The following TMTC2 variants were observed in gnomAD, a reference collection of about 807,000 sequenced individuals.
TMTC2 encodes transmembrane O-mannosyltransferase targeting cadherins 2.
A neutral mutation model predicts 82.4 loss-of-function variants in TMTC2; 43 were observed. The observed-to-expected ratio is 0.52, with a 90% CI of 0.41 to 0.67. The LOEUF (loss-of-function observed/expected upper bound fraction) is 0.67, where lower values mean the gene tolerates loss of function less well. TMTC2 is among the 30% of genes least tolerant of loss of function. The pLI is 0.00. For missense variants in TMTC2, 919 were observed against 1,012.4 expected (o/e 0.91, Z 1.25); for synonymous variants, 408 against 381.9 (o/e 1.07, Z -0.80).
At chr12:83,124,543 G>A (rs1269665156) in intron 11 of TMTC2, among the ~76,000 whole-genome samples, 5 of 149,308 alleles carry the variant, frequency 3.3e-5, no homozygotes, top group African/African-American at 1.2e-4. Context: ...AGTAAGCTAT[G>A]AATAAGAAAT....
At chr12:82,871,152 G>A (rs528442151) in intron 2 of TMTC2, among the ~76,000 whole-genome samples, 1 of 152,254 alleles carries the variant, frequency 6.6e-6, no homozygotes, top group East Asian at 1.9e-4. Context: ...TTCTATGAAA[G>A]CATTAACCTC....
chr12:82,898,270 T>A (rs1873782498), intron 3 of TMTC2, among the ~76,000 whole-genome samples: 1 of 152,196 alleles, frequency 6.6e-6, no homozygotes, highest in Non-Finnish European at 1.5e-5. Context: ...TAAAAATCAT[T>A]ACAATTAGTT....
intron 1 of TMTC2, among the ~76,000 whole-genome samples, chr12:82,710,292 C>T (rs919200092): frequency 1.3e-5 from 2 of 152,190 alleles, no homozygotes; most frequent in African/African-American, 4.8e-5. Context: ...GTGCTCTAAT[C>T]ACAGTGATCA....
intron 1 of TMTC2, among the ~76,000 whole-genome samples, chr12:82,730,317 G>C (rs796811484): frequency 2.6e-5 from 1 of 38,200 alleles, no homozygotes; most frequent in East Asian, 9.9e-4. Flanking sequence ...AAAAAAAAAA[G>C]CAGACCCTAC....
At chr12:82,831,921 T>C (rs145214438) in intron 1 of TMTC2, among the ~76,000 whole-genome samples, 1 of 152,118 alleles carries the variant, frequency 6.6e-6, no homozygotes, top group Non-Finnish European at 1.5e-5. Flanking sequence ...GGCCGAAAAA[T>C]GTGCTAAGAA....
chr12:82,777,147 T>G (rs1877640938), intron 1 of TMTC2, among the ~76,000 whole-genome samples: 1 of 152,104 alleles, frequency 6.6e-6, no homozygotes, highest in East Asian at 1.9e-4. Flanking sequence ...TTTGCTATGT[T>G]AGTTGTAGTA....
At chr12:82,738,758 A>G (rs776313660) in intron 1 of TMTC2, among the ~76,000 whole-genome samples, 5 of 152,336 alleles carry the variant, frequency 3.3e-5, no homozygotes, top group East Asian at 1.9e-4. Context: ...ACCAAGTATA[A>G]TTATTAGTTA....
intron 4 of TMTC2, among the ~76,000 whole-genome samples, chr12:82,940,607 G>C (rs1025332675): frequency 6.7e-6 from 1 of 149,018 alleles, no homozygotes; most frequent in Non-Finnish European, 1.5e-5. Flanking sequence ...AATATGTTTT[G>C]CTTTTTTTTT....
chr12:82,799,903 C>T (rs777387238), intron 1 of TMTC2, among the ~76,000 whole-genome samples: 7 of 152,088 alleles, frequency 4.6e-5, no homozygotes, highest in African/African-American at 7.2e-5. Context: ...CATGTGCCAG[C>T]AGGTGTTGTT....
At chr12:82,768,929 A>T (rs1016692689) in intron 1 of TMTC2, among the ~76,000 whole-genome samples, 1 of 151,990 alleles carries the variant, frequency 6.6e-6, no homozygotes, top group Non-Finnish European at 1.5e-5. Flanking sequence ...AGGCTTCCAC[A>T]CCCAGTCATA....
intron 3 of TMTC2, among the ~76,000 whole-genome samples, chr12:82,914,885 G>T (rs1321416941): frequency 3.6e-5 from 5 of 140,242 alleles, no homozygotes; most frequent in Non-Finnish European, 6.0e-5. Flanking sequence ...GAGTGCAATA[G>T]TGCGATCTTG....
At position 82,834,832 on chromosome 12, in the gene TMTC2, A is replaced by G. The variant is rs137868294; in HGVS notation, c.84-22178A>G. Among the ~76,000 whole-genome samples, 288 of 152,278 alleles carry G rather than the reference A, an allele frequency of 1.9e-3. 4 individuals are homozygous for G. The highest frequency in any genetic ancestry group is 6.4e-3 in the African/African-American group (267 of 41,556). ...GATGGTGAACTTGAGTTCTTCTGTT[A>G]TAAATTATGTCACATAAGCTGTAAT... On this transcript the variant is annotated intron_variant, in intron 1 of 11. Coordinates refer to ENST00000321196, the MANE Select transcript of TMTC2 (RefSeq NM_152588.3).
intron 11 of TMTC2, among the ~76,000 whole-genome samples, chr12:83,066,435 T>C (rs1178397135): frequency 6.6e-6 from 1 of 151,904 alleles, no homozygotes; most frequent in Non-Finnish European, 1.5e-5. Context: ...GAAACTAGCA[T>C]AAAACTACAT....
intron 9 of TMTC2, among the ~76,000 whole-genome samples, chr12:83,039,057 G>A (rs999086831): frequency 6.7e-6 from 1 of 150,358 alleles, no homozygotes. Flanking sequence ...TTAGCTTCCC[G>A]AATAGCCGGT....
intron 1 of TMTC2, 23 bp downstream of exon 1, chr12:82,687,692 C>T (rs1457227358): frequency 1.9e-6 from 3 of 1,591,224 alleles, no homozygotes; most frequent in Admixed American, 1.8e-5. Flanking sequence ...GAGGAGGGGG[C>T]GACGGGCTGC....
intron 1 of TMTC2, among the ~76,000 whole-genome samples, chr12:82,830,603 T>C (rs1175334174): frequency 6.6e-6 from 1 of 152,196 alleles, no homozygotes; most frequent in Non-Finnish European, 1.5e-5. Context: ...TCTTCAGTTT[T>C]AATTGTTTTT....
At chr12:83,061,680 T>A (rs572919262) in intron 10 of TMTC2, 88 bp from the exon 11 acceptor site, 37 of 1,231,260 alleles carry the variant, frequency 3.0e-5, no homozygotes, top group African/African-American at 7.9e-5. Context: ...AGAATTTTTT[T>A]AAAAATTAAC....
intron 1 of TMTC2, among the ~76,000 whole-genome samples, chr12:82,758,016 A>G (rs1052487332): frequency 2.0e-5 from 3 of 152,134 alleles, no homozygotes; most frequent in East Asian, 1.9e-4. Context: ...TTTTGTTCAG[A>G]TTTTACTGTA....
At position 82,768,779 on chromosome 12, in the gene TMTC2, A is replaced by AT. The variant is rs763552331; in HGVS notation, c.83+81118dup. ...AGTTGGGGTTCCGAGAGCCTATAGTATTTTTTTTCAGTTAAGGCAGAACCA... is the reference window on the plus strand; with the variant it reads ...AGTTGGGGTTCCGAGAGCCTATAGTATTTTTTTTTCAGTTAAGGCAGAACCA... On this transcript the variant is annotated intron_variant, in intron 1 of 11. Coordinates refer to ENST00000321196, the MANE Select transcript of TMTC2 (RefSeq NM_152588.3). 2.8e-4 allele frequency among the ~76,000 whole-genome samples: 42 copies of AT among 151,746 alleles called. 1 individual carries two copies. Among genetic ancestry groups the AT allele is most frequent in the South Asian group, 2.1e-4 (1 of 4,786 alleles).
Sources: allele counts gnomAD v4.1 joint callset (sites outside exome capture counted in the v4.1 genomes callset), GRCh38; gene constraint gnomAD v4.1.1; transcripts MANE v1.5; gene names NCBI Gene and HGNC (gene_info 2026-07-23, HGNC 2026-07-21).